The following VRK2 variants were observed in gnomAD, a reference collection of about 807,000 sequenced individuals.
VRK2 encodes VRK serine/threonine kinase 2, also known as serine/threonine-protein kinase VRK2.
Under a neutral mutation model 57.6 loss-of-function variants are expected in VRK2, and 60 were observed. The observed-to-expected ratio is 1.04, with a 90% CI of 0.85 to 1.29. VRK2 has a LOEUF of 1.29. Ranked by LOEUF, VRK2 falls within the 50% of genes most tolerant of loss-of-function variation. VRK2 has a pLI of 0.00. For synonymous variants in VRK2, 231 were observed against 199.2 expected (o/e 1.16, Z -1.35); for missense variants, 705 against 588.1 (o/e 1.20, Z -2.06).
At chr2:58,042,658 T>C (rs1293217936), upstream of VRK2, among the ~76,000 whole-genome samples, 1 of 152,240 alleles carries the variant, frequency 6.6e-6, no homozygotes, top group Non-Finnish European at 1.5e-5. Flanking sequence ...AAGCATTTTA[T>C]AGCACCCAGT....
At chr2:58,028,571 T>A (rs1674005505) in intron 2 of VRK2, among the ~76,000 whole-genome samples, 2 of 151,816 alleles carry the variant, frequency 1.3e-5, no homozygotes, top group South Asian at 4.2e-4. Flanking sequence ...AAATGATGAG[T>A]TCATGTTCTT....
chr2:58,031,313 G>T (rs969922510), intron 2 of VRK2, among the ~76,000 whole-genome samples: 3 of 151,988 alleles, frequency 2.0e-5, no homozygotes, highest in Non-Finnish European at 1.5e-5. Flanking sequence ...GGAGAATGTG[G>T]TGTTATGAAA....
intron 12 of VRK2, among the ~76,000 whole-genome samples, chr2:58,158,373 T>G (rs1684332314): frequency 6.6e-6 from 1 of 152,188 alleles, no homozygotes; most frequent in South Asian, 2.1e-4. Flanking sequence ...GTAATTTTTT[T>G]TCATAGGAAA....
At chr2:58,050,573 G>T (rs900898781) in intron 2 of VRK2, among the ~76,000 whole-genome samples, 3 of 152,158 alleles carry the variant, frequency 2.0e-5, no homozygotes, top group African/African-American at 7.2e-5. Context: ...TATTATTTGA[G>T]TAATTTCAAA....
In VRK2 at chr2:58,090,364, C is replaced by G. The variant is rs540026215; in HGVS notation, c.543+641C>G. On this transcript the variant is annotated intron_variant, in intron 7 of 12. Coordinates refer to ENST00000340157, the MANE Select transcript of VRK2 (RefSeq NM_006296.7). The stretch of plus-strand genomic sequence containing the variant: ...TGAGCTGAGATGGTGCCATTGCACT[C>G]CATCCAGCCTGGGCAACAAGAGAGA... 4.0e-5 allele frequency among the ~76,000 whole-genome samples: 6 copies of G among 148,586 alleles called. 1 individual carries two copies. The South Asian group carries it at 1.1e-3, about 26-fold the overall frequency.
At chr2:58,061,275 T>C (rs1272178954) in intron 2 of VRK2, among the ~76,000 whole-genome samples, 1 of 151,948 alleles carries the variant, frequency 6.6e-6, no homozygotes, top group Non-Finnish European at 1.5e-5. Context: ...AGTTAGAGTT[T>C]ATTAGTGTTA....
chr2:58,159,350 A>G lies in VRK2; in HGVS notation c.1184A>G (p.Glu395Gly). The G allele has an allele frequency of 6.3e-7, 1 of 1,592,422 alleles. No homozygotes were observed. Among genetic ancestry groups the G allele is most frequent in the Non-Finnish European group, 8.5e-7 (1 of 1,172,678 alleles). The change falls in exon 13 of 13, where the codon GAA becomes GGA. Residue 395 changes from glutamate (E) to glycine (G), a missense_variant and splice_region_variant. Coordinates refer to ENST00000340157, the MANE Select transcript of VRK2 (RefSeq NM_006296.7). ...IGLMNNEAAQ[E>G]STRRRQKYQE... Reference sequence around the variant, plus strand: ...ACTATATATGTATTTTTTCCATAGGAAAGCACAAGGAGAAGACAGAAATAT... The same window carrying G: ...ACTATATATGTATTTTTTCCATAGGGAAGCACAAGGAGAAGACAGAAATAT...
At chr2:58,018,739 A>AT (rs567425662) in intron 1 of VRK2, among the ~76,000 whole-genome samples, 8 of 151,932 alleles carry the variant, frequency 5.3e-5, no homozygotes, top group South Asian at 4.2e-4. Flanking sequence ...CAAAACTCTG[A>AT]TTTTTTTTCT....
In VRK2 at chr2:58,123,118, T is replaced by C. The variant is rs771480769; in HGVS notation, c.561T>C (p.Tyr187=). 3.1e-6 allele frequency: 5 copies of C among 1,600,420 alleles called. No individual in the cohort carries two copies. In the Admixed American group the frequency reaches 8.9e-5, roughly 28 times the overall value. ...TCTTCCAGGTTTATCTTGCAGATTA[T>C]GGACTTTCCTACAGATATTGTCCCA... ...KNPDQVYLAD[Y]GLSYRYCPNG... is the part of the protein sequence containing the mutation. The change falls in exon 8 of 13, where the codon TAT becomes TAC. Residue 187 remains tyrosine, a synonymous_variant. Transcript: ENST00000340157.
intron 8 of VRK2, among the ~76,000 whole-genome samples, chr2:58,124,905 A>AT (rs1461278789): frequency 6.6e-6 from 1 of 152,010 alleles, no homozygotes; most frequent in African/African-American, 2.4e-5. Flanking sequence ...GTGTTGTGTG[A>AT]TTTTTCAGTA....
intron 1 of VRK2, among the ~76,000 whole-genome samples, chr2:57,992,018 C>T (rs1176459232): frequency 6.6e-6 from 1 of 151,442 alleles, no homozygotes; most frequent in African/African-American, 2.4e-5. Flanking sequence ...ATTTTATCTT[C>T]AAGCATCTAG....
At chr2:58,116,123 A>G (rs529522196) in intron 7 of VRK2, among the ~76,000 whole-genome samples, 1 of 152,158 alleles carries the variant, frequency 6.6e-6, no homozygotes, top group Non-Finnish European at 1.5e-5. Context: ...GGCGAGTGAT[A>G]ACAGGCTTTA....
At chr2:58,031,308 A>G (rs1674102824) in intron 2 of VRK2, among the ~76,000 whole-genome samples, 1 of 152,000 alleles carries the variant, frequency 6.6e-6, no homozygotes, top group African/African-American at 2.4e-5. Flanking sequence ...CACTAGGAGA[A>G]TGTGGTGTTA....
chr2:58,060,966 A>T (rs887809307), intron 2 of VRK2, among the ~76,000 whole-genome samples: 1 of 151,946 alleles, frequency 6.6e-6, no homozygotes, highest in Non-Finnish European at 1.5e-5. Context: ...TCATTTCTTA[A>T]TAGATTATCG....
intron 7 of VRK2, among the ~76,000 whole-genome samples, chr2:58,112,300 T>C (rs896177552): frequency 8.5e-5 from 13 of 152,170 alleles, no homozygotes; most frequent in Non-Finnish European, 1.6e-4. Context: ...ATGAAATAAT[T>C]TGAGAAAGGT....
chr2:58,146,481 G>T lies in VRK2; in HGVS notation c.1182+7G>T. 6.2e-7 allele frequency: 1 copy of T among 1,602,326 alleles called. No homozygotes were observed. The highest frequency in any genetic ancestry group is 1.1e-5 in the South Asian group (1 of 88,952). ...GAACAATGAAGCAGCTCAGGTGAGA[G>T]GGTTGTTTGTGTGTGTTTTTTCTAA... On this transcript the variant is annotated splice_region_variant and intron_variant, in intron 12 of 12. Coordinates refer to ENST00000340157, the MANE Select transcript of VRK2 (RefSeq NM_006296.7).
At chr2:57,985,543 T>C (rs1672569141) in intron 1 of VRK2, among the ~76,000 whole-genome samples, 1 of 152,084 alleles carries the variant, frequency 6.6e-6, no homozygotes, top group Admixed American at 6.6e-5. Flanking sequence ...TATGATATTA[T>C]ATTACATCCT....
chr2:58,097,446 A>C (rs1673314615), intron 7 of VRK2, among the ~76,000 whole-genome samples: 1 of 151,914 alleles, frequency 6.6e-6, no homozygotes, highest in African/African-American at 2.4e-5. Flanking sequence ...AAAGTTTGTA[A>C]TTTTTATTGT....
chr2:58,112,340 AC>A (rs1198461379), intron 7 of VRK2, among the ~76,000 whole-genome samples: 1 of 152,146 alleles, frequency 6.6e-6, no homozygotes, highest in Non-Finnish European at 1.5e-5. Context: ...AGATAATAGA[AC>A]CTCAAAAGAT....
Sources: gnomAD v4.1 joint callset for allele counts (sites outside exome capture counted in the v4.1 genomes callset) on GRCh38, gnomAD v4.1.1 for gene constraint, MANE v1.5 for transcripts, NCBI Gene and HGNC (gene_info 2026-07-23, HGNC 2026-07-21) for gene names.